SLC24A2: variants seen among roughly 807,000 people sequenced by gnomAD.
SLC24A2 encodes sodium/potassium/calcium exchanger 2.
Under a neutral mutation model 62.0 loss-of-function variants are expected in SLC24A2, and 36 were observed. The ratio of observed to expected loss-of-function variants is 0.58; its 90% CI spans 0.44 to 0.77. SLC24A2 has a LOEUF of 0.77. SLC24A2 is among the 30% of genes least tolerant of loss of function. SLC24A2 has a pLI of 0.00. For missense variants in SLC24A2, 846 were observed against 817.9 expected (o/e 1.03, Z -0.42); for synonymous variants, 358 against 294.0 (o/e 1.22, Z -2.23).
the SLC24A2 span, among the ~76,000 whole-genome samples, chr9:19,896,360 TA>T: frequency 6.6e-6 from 1 of 152,212 alleles, no homozygotes; most frequent in African/African-American, 2.4e-5. Flanking sequence ...TCTTTCCAGT[TA>T]AACAGATGAA....
chr9:20,173,001 A>G, the SLC24A2 span, among the ~76,000 whole-genome samples: 1 of 152,166 alleles, frequency 6.6e-6, no homozygotes, highest in East Asian at 1.9e-4. Flanking sequence ...AGTGGGTTTC[A>G]TACCAGGGTT....
At chr9:20,226,800 C>T in the SLC24A2 span, among the ~76,000 whole-genome samples, 1 of 152,184 alleles carries the variant, frequency 6.6e-6, no homozygotes, top group South Asian at 2.1e-4. Flanking sequence ...CTTGTGTAAT[C>T]TCTATCAATC....
chr9:20,078,754 T>C, the SLC24A2 span, among the ~76,000 whole-genome samples: 1 of 152,130 alleles, frequency 6.6e-6, no homozygotes, highest in African/African-American at 2.4e-5. Flanking sequence ...ACCTAAAGAA[T>C]CTTTCCTCCA....
At chr9:19,616,453 TC>T (rs1243320717) in intron 4 of SLC24A2, among the ~76,000 whole-genome samples, 1 of 152,110 alleles carries the variant, frequency 6.6e-6, no homozygotes, top group East Asian at 1.9e-4. Context: ...GGACCCAGAG[TC>T]TGGTTCGGGA....
the SLC24A2 span, among the ~76,000 whole-genome samples, chr9:20,080,375 G>T: frequency 6.6e-6 from 1 of 152,190 alleles, no homozygotes; most frequent in East Asian, 1.9e-4. Context: ...AAGAAATGGG[G>T]AAAGGATTCC....
At chr9:20,151,989 TTCATCAAAGGTA>T in the SLC24A2 span, among the ~76,000 whole-genome samples, 7 of 151,898 alleles carry the variant, frequency 4.6e-5, no homozygotes, top group Non-Finnish European at 1.0e-4. Flanking sequence ...ATGTTTTTCC[TTCATCAAAGGTA>T]AGCGACTGAA....
At chr9:19,823,583 T>C in the SLC24A2 span, among the ~76,000 whole-genome samples, 785 of 151,988 alleles carry the variant, frequency 5.2e-3, 6 homozygotes, top group African/African-American at 0.018. Context: ...GAGCTGAGAT[T>C]GCACCACTGC....
chr9:20,144,713 G>T, the SLC24A2 span, among the ~76,000 whole-genome samples: 1 of 152,034 alleles, frequency 6.6e-6, no homozygotes, highest in South Asian at 2.1e-4. Context: ...GTCAATCGGG[G>T]TCATTCAATC....
rs901583433 is a variant in SLC24A2, at chr9:19,510,089, C to G, written c.*6064G>C. The G allele has an allele frequency of 2.0e-5, 3 of 152,074 alleles. No individual in the cohort carries two copies. The highest frequency in any genetic ancestry group is 7.2e-5 in the African/African-American group (3 of 41,412). 9.4% of individuals were successfully genotyped at this position (152,074 alleles called of 1,614,324 possible). On this transcript the variant is annotated 3_prime_UTR_variant, in exon 11 of 11. Coordinates refer to ENST00000341998, the MANE Select transcript of SLC24A2 (RefSeq NM_020344.4). ...GTTTTGGAGTAATCTAAAGTGGTGT[C>G]TCCCCAATTTTGAGTTCTTTGTGAG...
chr9:19,550,127 C>G lies in SLC24A2; in HGVS notation c.1479+10G>C, dbSNP rs767804026. On this transcript the variant is annotated intron_variant, in intron 8 of 10. Transcript: ENST00000341998. ...TTACAAGGGAACTATTTTTAAAATG[C>G]TTTACTTACAGGTTTGCGAACGTCA... 1.2e-6 allele frequency: 2 copies of G among 1,613,170 alleles called. No homozygotes were observed. The highest frequency in any genetic ancestry group is 2.2e-5 in the East Asian group (1 of 44,842).
intron 2 of SLC24A2, among the ~76,000 whole-genome samples, chr9:19,631,136 T>G (rs963055986): frequency 5.9e-5 from 9 of 152,184 alleles, no homozygotes; most frequent in Non-Finnish European, 1.5e-5. Flanking sequence ...TTGATATTAT[T>G]CCACAGTACC....
At chr9:20,216,038 AC>A in the SLC24A2 span, among the ~76,000 whole-genome samples, 1 of 152,204 alleles carries the variant, frequency 6.6e-6, no homozygotes, top group Non-Finnish European at 1.5e-5. Flanking sequence ...AGCAGGGGAA[AC>A]CCATTAATTA....
chr9:20,019,221 C>T, the SLC24A2 span, among the ~76,000 whole-genome samples: 12 of 91,032 alleles, frequency 1.3e-4, no homozygotes, highest in Non-Finnish European at 2.9e-4. Context: ...GAAAGAAAGA[C>T]AGAAAGAAAG....
the SLC24A2 span, among the ~76,000 whole-genome samples, chr9:20,247,324 C>T: frequency 6.6e-6 from 1 of 152,150 alleles, no homozygotes. Context: ...ACTCCAAGCA[C>T]ATACGGTCCA....
At chr9:19,844,814 T>C in the SLC24A2 span, among the ~76,000 whole-genome samples, 116 of 152,280 alleles carry the variant, frequency 7.6e-4, no homozygotes, top group African/African-American at 2.6e-3. Flanking sequence ...TTGTTGAAGA[T>C]CAGATGGCTG....
the SLC24A2 span, among the ~76,000 whole-genome samples, chr9:20,102,497 T>TG: frequency 1.7e-3 from 106 of 60,714 alleles, no homozygotes; most frequent in African/African-American, 2.6e-3. Context: ...TGTGAGGGGG[T>TG]GGGGGGGGAA....
At chr9:19,593,478 C>T (rs764695357) in intron 5 of SLC24A2, among the ~76,000 whole-genome samples, 4 of 151,926 alleles carry the variant, frequency 2.6e-5, no homozygotes, top group Non-Finnish European at 4.4e-5. Context: ...GGAAAGGGCT[C>T]GGAGGGCAAG....
chr9:19,902,699 G>A, the SLC24A2 span, among the ~76,000 whole-genome samples: 31 of 152,168 alleles, frequency 2.0e-4, no homozygotes, highest in Non-Finnish European at 2.9e-4. Flanking sequence ...ATCACATATC[G>A]ATGAATATTA....
At chr9:19,560,921 AG>A (rs1196490011) in intron 7 of SLC24A2, among the ~76,000 whole-genome samples, 4 of 75,834 alleles carry the variant, frequency 5.3e-5, no homozygotes, top group African/African-American at 2.4e-4. Flanking sequence ...ATATATAGAG[AG>A]AGAGAGAGAG....
Sources: gnomAD v4.1 joint callset for allele counts (sites outside exome capture counted in the v4.1 genomes callset) on GRCh38, gnomAD v4.1.1 for gene constraint, MANE v1.5 for transcripts, NCBI Gene and HGNC (gene_info 2026-07-23, HGNC 2026-07-21) for gene names.